Variants in SLAIN2 observed in about 807,000 individuals in gnomAD.
SLAIN2 encodes SLAIN family member 2, also known as SLAIN motif-containing protein 2.
A neutral mutation model predicts 56.6 loss-of-function variants in SLAIN2; 31 were observed. The observed-to-expected ratio is 0.55, with a 90% CI of 0.41 to 0.74. SLAIN2 has a LOEUF of 0.74. SLAIN2 is among the 30% of genes least tolerant of loss of function. The pLI, the probability that SLAIN2 is intolerant of heterozygous loss-of-function variation, is 0.00. For missense variants in SLAIN2, 777 were observed against 754.2 expected, an observed-to-expected ratio of 1.03 and a Z score of -0.35; for synonymous variants, 317 against 284.9, an observed-to-expected ratio of 1.11 and a Z score of -1.13.
rs189442003 is a variant in SLAIN2, at chr4:48,359,118, T to C, written c.390-10731T>C. 1.8e-4 allele frequency among the ~76,000 whole-genome samples: 27 copies of C among 152,348 alleles called. No homozygotes were observed. The East Asian group carries it at 5.2e-3, about 29-fold the overall frequency. On this transcript the variant is annotated intron_variant, in intron 1 of 7. Coordinates refer to ENST00000264313, the MANE Select transcript of SLAIN2 (RefSeq NM_020846.2). ...TCTCAAAGTGGCCACTTTAATTTAC[T>C]TTGGTATCCTCCCTTTATCTCTTTT...
At chr4:48,350,306 T>C (rs1012605725) in intron 1 of SLAIN2, among the ~76,000 whole-genome samples, 1 of 152,216 alleles carries the variant, frequency 6.6e-6, no homozygotes, top group African/African-American at 2.4e-5. Flanking sequence ...GCTGATACCC[T>C]GGTAGCCCAA....
intron 6 of SLAIN2, among the ~76,000 whole-genome samples, chr4:48,404,006 A>T (rs1312796616): frequency 2.6e-5 from 4 of 152,056 alleles, no homozygotes; most frequent in African/African-American, 9.7e-5. Flanking sequence ...TTGGCTGGCG[A>T]TGGGGGCTCT....
intron 3 of SLAIN2, 106 bp downstream of exon 3, chr4:48,378,166 CT>C: frequency 7.8e-7 from 1 of 1,289,772 alleles, no homozygotes; most frequent in Non-Finnish European, 1.1e-6. Flanking sequence ...ATTTATGAAA[CT>C]TTTAACTGGT....
chr4:48,355,779 G>A (rs1201420636), intron 1 of SLAIN2, among the ~76,000 whole-genome samples: 1 of 151,756 alleles, frequency 6.6e-6, no homozygotes, highest in Non-Finnish European at 1.5e-5. Flanking sequence ...ATATATAAAT[G>A]TAGATTATAT....
chr4:48,342,141 C>T lies in SLAIN2; in HGVS notation c.389+13C>T, dbSNP rs1486906506. The stretch of plus-strand genomic sequence containing the variant: ...AGGAGGAGAGCTGGTGAGCGCGAGG[C>T]GCCGGGCAGGAGCTGGGCGGGGACG... On this transcript the variant is annotated intron_variant, in intron 1 of 7. Coordinates refer to ENST00000264313, the MANE Select transcript of SLAIN2 (RefSeq NM_020846.2). 1.5e-6 allele frequency: 2 copies of T among 1,336,432 alleles called. No homozygotes were observed. Among genetic ancestry groups the T allele is most frequent in the Non-Finnish European group, 1.9e-6 (2 of 1,048,938 alleles). The allele number at this position is 1,336,432 out of a possible 1,614,324, so 82.8% of individuals were successfully genotyped here.
intron 6 of SLAIN2, among the ~76,000 whole-genome samples, chr4:48,406,439 T>C (rs1466065754): frequency 6.6e-6 from 1 of 152,052 alleles, no homozygotes; most frequent in Non-Finnish European, 1.5e-5. Flanking sequence ...ATATTTCACA[T>C]AAAGTGTTCT....
At chr4:48,363,529 G>A (rs1251106510) in intron 1 of SLAIN2, among the ~76,000 whole-genome samples, 1 of 70,662 alleles carries the variant, frequency 1.4e-5, no homozygotes, top group Admixed American at 1.1e-4. Flanking sequence ...GGGCAGAGGC[G>A]CCCCTCACCT....
At chr4:48,421,875 T>G (rs1177962757) in intron 7 of SLAIN2, 136 bp from the exon 8 acceptor site, 10 of 673,240 alleles carry the variant, frequency 1.5e-5, no homozygotes, top group Non-Finnish European at 2.0e-5. Context: ...AGTACCTGTT[T>G]AGAGCTTAGG....
In SLAIN2 at chr4:48,383,682, A is replaced by T. The variant is rs752299997; in HGVS notation, c.1258A>T (p.Thr420Ser). The T allele has an allele frequency of 6.2e-7, 1 of 1,606,310 alleles. No individual in the cohort carries two copies. The highest frequency in any genetic ancestry group is 1.7e-5 in the Admixed American group (1 of 59,396). Residue 420 changes from threonine (T) to serine (S), a missense_variant, in exon 6 of 8, where the codon ACA (threonine) becomes TCA (serine). Transcript: ENST00000264313. ...ACGCAGTCTTCCAAACCTGTCCCGA[A>T]CATCTAATACACAAGTTGACTCAGT... ...LRRSLPNLSR[T>S]SNTQVDSVKS...
chr4:48,399,995 A>G (rs1319505308), intron 6 of SLAIN2, among the ~76,000 whole-genome samples: 1 of 152,112 alleles, frequency 6.6e-6, no homozygotes, highest in Non-Finnish European at 1.5e-5. Flanking sequence ...AGGTTTTGGT[A>G]TCAGGATGTT....
chr4:48,364,674 G>T (rs1209123796), intron 1 of SLAIN2, among the ~76,000 whole-genome samples: 1 of 121,840 alleles, frequency 8.2e-6, no homozygotes, highest in African/African-American at 2.9e-5. Flanking sequence ...AGGGGCTGGA[G>T]ATCGGCCCGG....
At chr4:48,403,551 A>G (rs1202898406) in intron 6 of SLAIN2, among the ~76,000 whole-genome samples, 1 of 152,212 alleles carries the variant, frequency 6.6e-6, no homozygotes, top group Non-Finnish European at 1.5e-5. Flanking sequence ...TTCCAGAGCC[A>G]GCAGGCTAGC....
intron 4 of SLAIN2, among the ~76,000 whole-genome samples, chr4:48,381,284 A>T (rs746449261): frequency 1.3e-5 from 2 of 152,204 alleles, no homozygotes; most frequent in Non-Finnish European, 2.9e-5. Context: ...ATCCACATGC[A>T]TGAATATTTA....
chr4:48,373,541 G>T (rs1255764093), intron 2 of SLAIN2, among the ~76,000 whole-genome samples: 1 of 151,338 alleles, frequency 6.6e-6, no homozygotes, highest in African/African-American at 2.4e-5. Flanking sequence ...GTGGAGGTGG[G>T]GTACATTATA....
chr4:48,416,974 G>T, intron 6 of SLAIN2, among the ~76,000 whole-genome samples: 1 of 76,356 alleles, frequency 1.3e-5, no homozygotes, highest in African/African-American at 5.1e-5. Context: ...ACATTCAAAA[G>T]CTAGCAGAAG....
chr4:48,395,868 G>A (rs1349792290), intron 6 of SLAIN2, among the ~76,000 whole-genome samples: 1 of 131,966 alleles, frequency 7.6e-6, no homozygotes, highest in Non-Finnish European at 1.5e-5. Flanking sequence ...ATGGCTAGGG[G>A]TAGGAGGCAT....
rs1714722314 is a variant in SLAIN2 at position 48,342,018 on chromosome 4, C to T, written c.279C>T (p.Asp93=). ...GGACGAGTAGCGAAGAGCTGCGGGA[C>T]GCCACCTCCTTGCTAGCGGCGGGCG... ...PRRTSSEELR[D]ATSLLAAGEG... Residue 93 remains aspartate (D), a synonymous_variant, in exon 1 of 8, where the codon GAC becomes GAT. Transcript: ENST00000264313. The T allele has an allele frequency of 7.1e-7, 1 of 1,414,266 alleles. No individual in the cohort carries two copies. The highest frequency in any genetic ancestry group is 1.6e-5 in the South Asian group (1 of 64,388). 87.6% of individuals were successfully genotyped at this position (1,414,266 alleles called of 1,614,324 possible). A position where few individuals can be genotyped will look rare whatever the true frequency, so the allele number is the denominator to read the frequency against.
intron 6 of SLAIN2, 31 bp downstream of exon 6, chr4:48,383,815 A>G (rs780392773): frequency 1.3e-6 from 2 of 1,578,810 alleles, no homozygotes; most frequent in Non-Finnish European, 1.7e-6. Flanking sequence ...TTCATGTATC[A>G]GTTATTTAAA....
intron 6 of SLAIN2, among the ~76,000 whole-genome samples, chr4:48,397,633 T>G (rs1167105802): frequency 1.3e-5 from 2 of 152,088 alleles, no homozygotes; most frequent in Non-Finnish European, 2.9e-5. Flanking sequence ...CAGCATTCAT[T>G]AGCTATTCTT....
Sources: allele counts gnomAD v4.1 joint callset (sites outside exome capture counted in the v4.1 genomes callset), GRCh38; gene constraint gnomAD v4.1.1; transcripts MANE v1.5; gene names NCBI Gene and HGNC (gene_info 2026-07-23, HGNC 2026-07-21).